Variants in TBC1D2B observed in about 807,000 individuals in gnomAD.
TBC1D2B encodes TBC1 domain family, member 2B.
TBC1D2B carries 64 observed loss-of-function variants against 100.8 expected under a neutral mutation model. The observed-to-expected ratio is 0.64, with a 90% CI of 0.52 to 0.78. TBC1D2B has a LOEUF of 0.78. TBC1D2B is among the 30% of genes least tolerant of loss of function. The pLI is 0.00. For missense variants in TBC1D2B, 1,052 were observed against 1,218.4 expected, an observed-to-expected ratio of 0.86 and a Z score of 2.03; for synonymous variants, 480 against 479.7, an observed-to-expected ratio of 1.00 and a Z score of -0.01.
chr15:78,043,243 T>G (rs930351937), intron 3 of TBC1D2B, among the ~76,000 whole-genome samples: 1 of 152,178 alleles, frequency 6.6e-6, no homozygotes, highest in Non-Finnish European at 1.5e-5. Context: ...GGATGGTAGC[T>G]TCTAAGAACA....
chr15:78,059,143 T>A lies in TBC1D2B; in HGVS notation c.361-4956A>T, dbSNP rs114643058. Among the ~76,000 whole-genome samples the A allele has an allele frequency of 1.2e-3, 177 of 152,350 alleles. 1 individual carries two copies. The highest frequency in any genetic ancestry group is 4.2e-3 in the African/African-American group (174 of 41,584). ...GATCTGGGTGTACATTTTGTCTCCA[T>A]TCTCTGAATAGGGAGCTCAGAGAAT... On this transcript the variant is annotated intron_variant, in intron 1 of 12. Coordinates refer to ENST00000300584, the MANE Select transcript of TBC1D2B (RefSeq NM_144572.2).
chr15:78,038,470 G>A (rs1468044672), intron 3 of TBC1D2B, among the ~76,000 whole-genome samples: 1 of 152,248 alleles, frequency 6.6e-6, no homozygotes, highest in Non-Finnish European at 1.5e-5. Context: ...AAGAAGTCAA[G>A]TGGGCCTGCA....
At chr15:78,019,126 A>C (rs919811324) in intron 6 of TBC1D2B, among the ~76,000 whole-genome samples, 1 of 152,086 alleles carries the variant, frequency 6.6e-6, no homozygotes, top group African/African-American at 2.4e-5. Context: ...GAAACTCCCC[A>C]TCGCCAAACA....
At chr15:78,031,760 G>T (rs929354054) in intron 3 of TBC1D2B, among the ~76,000 whole-genome samples, 1 of 151,846 alleles carries the variant, frequency 6.6e-6, no homozygotes, top group Non-Finnish European at 1.5e-5. Context: ...GGAATAACAA[G>T]GACTAGATTT....
intron 3 of TBC1D2B, among the ~76,000 whole-genome samples, chr15:78,031,779 C>T (rs141119871): frequency 4.6e-5 from 7 of 152,050 alleles, no homozygotes; most frequent in African/African-American, 1.2e-4. Context: ...TTACCCTCCC[C>T]GGTGAAAACT....
At chr15:78,010,785 T>C (rs2072202845) in intron 9 of TBC1D2B, among the ~76,000 whole-genome samples, 1 of 152,054 alleles carries the variant, frequency 6.6e-6, no homozygotes, top group African/African-American at 2.4e-5. Context: ...TTCTGGGTGC[T>C]CAGAAGCCAT....
intron 6 of TBC1D2B, 103 bp from the exon 7 acceptor site, chr15:78,018,060 C>A: frequency 1.7e-6 from 1 of 589,634 alleles, no homozygotes; most frequent in Non-Finnish European, 2.9e-6. Context: ...TCAAATAGCC[C>A]TGCTAAGTTA....
intron 1 of TBC1D2B, among the ~76,000 whole-genome samples, chr15:78,071,067 C>T (rs2073735748): frequency 1.3e-5 from 2 of 152,220 alleles, no homozygotes. Flanking sequence ...AGTGATCCAC[C>T]CACCTCGGCT....
At position 77,996,188 on chromosome 15, in the gene TBC1D2B, C is replaced by A. The variant is rs970285260; in HGVS notation, c.*1972G>T. On this transcript the variant is annotated 3_prime_UTR_variant, in exon 13 of 13. Coordinates refer to ENST00000300584, the MANE Select transcript of TBC1D2B (RefSeq NM_144572.2). The stretch of plus-strand genomic sequence containing the variant: ...ACAACTGCCTGGAAACACTAACATA[C>A]CACCGTGGGTTGCAGCCACGACGGG... 1 of 152,242 alleles carries A rather than the reference C, an allele frequency of 6.6e-6. No homozygotes were observed. The highest frequency in any genetic ancestry group is 6.5e-5 in the Admixed American group (1 of 15,272). 9.4% of individuals were successfully genotyped at this position (152,242 alleles called of 1,614,324 possible).
At chr15:78,049,051 A>C (rs2073258150) in intron 2 of TBC1D2B, among the ~76,000 whole-genome samples, 1 of 152,212 alleles carries the variant, frequency 6.6e-6, no homozygotes, top group South Asian at 2.1e-4. Context: ...TTAATCTGAA[A>C]AAAATTTTTT....
intron 6 of TBC1D2B, 125 bp downstream of exon 6, chr15:78,024,031 T>TG (rs1331115913): frequency 1.6e-6 from 2 of 1,241,608 alleles, no homozygotes; most frequent in Non-Finnish European, 1.1e-6. Flanking sequence ...GTTACACTTG[T>TG]GGGGAAAAAA....
At chr15:78,010,640 C>T (rs962970215) in intron 9 of TBC1D2B, among the ~76,000 whole-genome samples, 1 of 151,852 alleles carries the variant, frequency 6.6e-6, no homozygotes, top group Non-Finnish European at 1.5e-5. Context: ...AGACAGGACT[C>T]GATGGCGCCA....
At chr15:78,061,318 A>G (rs1315825539) in intron 1 of TBC1D2B, among the ~76,000 whole-genome samples, 1 of 152,086 alleles carries the variant, frequency 6.6e-6, no homozygotes, top group African/African-American at 2.4e-5. Context: ...GACACCTATA[A>G]TCCCAGCACT....
At chr15:78,040,025 G>A (rs2073038459) in intron 3 of TBC1D2B, among the ~76,000 whole-genome samples, 1 of 152,226 alleles carries the variant, frequency 6.6e-6, no homozygotes. Flanking sequence ...GAACTTTGCT[G>A]ACTGCTGTCA....
At position 77,994,999 on chromosome 15, in the gene TBC1D2B, G is replaced by A. The variant is rs1424098371; in HGVS notation, c.*3161C>T. On this transcript the variant is annotated 3_prime_UTR_variant, in exon 13 of 13. Coordinates refer to ENST00000300584, the MANE Select transcript of TBC1D2B (RefSeq NM_144572.2). Reference sequence around the variant, plus strand: ...TCAATGCAGAATATTATACAAATTAGTAGTTTATTTCTTCCTTTAGTATTA... The same window carrying A: ...TCAATGCAGAATATTATACAAATTAATAGTTTATTTCTTCCTTTAGTATTA... 4 of 152,238 alleles carry A rather than the reference G, an allele frequency of 2.6e-5. No homozygotes were observed. Among genetic ancestry groups the A allele is most frequent in the Non-Finnish European group, 5.9e-5 (4 of 68,050 alleles). 9.4% of individuals were successfully genotyped at this position (152,238 alleles called of 1,614,324 possible).
rs919057483 is a variant in TBC1D2B at position 77,995,316 on chromosome 15, C to T, written c.*2844G>A. Reference sequence around the variant, plus strand: ...ACCGAGGATCTGTCTAGAATACTTCCGATATCAATATACCGTAGTTGAAAC... The same window carrying T: ...ACCGAGGATCTGTCTAGAATACTTCTGATATCAATATACCGTAGTTGAAAC... On this transcript the variant is annotated 3_prime_UTR_variant, in exon 13 of 13. Coordinates refer to ENST00000300584, the MANE Select transcript of TBC1D2B (RefSeq NM_144572.2). 7 of 152,232 alleles carry T rather than the reference C, an allele frequency of 4.6e-5. No homozygotes were observed. The highest frequency in any genetic ancestry group is 1.2e-4 in the African/African-American group (5 of 41,442). 9.4% of individuals were successfully genotyped at this position (152,232 alleles called of 1,614,324 possible).
In TBC1D2B at chr15:77,995,959, G is replaced by A. The variant is rs1232244459; in HGVS notation, c.*2201C>T. On this transcript the variant is annotated 3_prime_UTR_variant, in exon 13 of 13. Coordinates refer to ENST00000300584, the MANE Select transcript of TBC1D2B (RefSeq NM_144572.2). ...GACCCGAGGGAGGGGAAGTGTTAGC[G>A]CAAAAGAGTGGGGCCCACAGTCCTG... 4 of 151,534 alleles carry A rather than the reference G, an allele frequency of 2.6e-5. No homozygotes were observed. Among genetic ancestry groups the A allele is most frequent in the African/African-American group, 4.8e-5 (2 of 41,298 alleles). 9.4% of individuals were successfully genotyped at this position (151,534 alleles called of 1,614,324 possible).
chr15:78,014,997 C>G (rs778389018), intron 8 of TBC1D2B, among the ~76,000 whole-genome samples: 1 of 152,088 alleles, frequency 6.6e-6, no homozygotes, highest in Non-Finnish European at 1.5e-5. Context: ...GTCAGGAGAT[C>G]GAGACCATCC....
intron 1 of TBC1D2B, among the ~76,000 whole-genome samples, chr15:78,055,945 T>A (rs2073413212): frequency 6.6e-6 from 1 of 152,004 alleles, no homozygotes; most frequent in Admixed American, 6.5e-5. Flanking sequence ...GAAGGACACA[T>A]AGCCAAAGAG....
Sources: allele counts gnomAD v4.1 joint callset (sites outside exome capture counted in the v4.1 genomes callset), GRCh38; gene constraint gnomAD v4.1.1; transcripts MANE v1.5; gene names NCBI Gene and HGNC (gene_info 2026-07-23, HGNC 2026-07-21).